Variants in GABBR2 observed in about 807,000 individuals in gnomAD.
GABBR2 encodes the protein G-protein coupled receptor 51.
A neutral mutation model predicts 105.6 loss-of-function variants in GABBR2; 23 were observed. The ratio of observed to expected loss-of-function variants is 0.22; its 90% CI spans 0.16 to 0.31. The LOEUF (loss-of-function observed/expected upper bound fraction) is 0.31. Among genes scored for constraint, GABBR2 ranks in the 10% least tolerant of loss-of-function variants. The pLI, the probability that GABBR2 is intolerant of heterozygous loss-of-function variation, is 1.00. For missense variants in GABBR2, 734 were observed against 1,245.5 expected, an observed-to-expected ratio of 0.59 and a Z score of 6.18; for synonymous variants, 478 against 499.7, an observed-to-expected ratio of 0.96 and a Z score of 0.58.
intron 5 of GABBR2, among the ~76,000 whole-genome samples, chr9:98,477,513 C>T (rs903931569): frequency 6.6e-6 from 1 of 152,200 alleles, no homozygotes; most frequent in Non-Finnish European, 1.5e-5. Flanking sequence ...GTTGGGATCA[C>T]AGGCATGAGC....
chr9:98,451,739 A>G (rs11793304), intron 7 of GABBR2, among the ~76,000 whole-genome samples: 34,504 of 152,120 alleles, frequency 0.23, 4,939 homozygotes, highest in Middle Eastern at 0.33. Context: ...CAGTCTCCTT[A>G]GCATGTCCCT....
chr9:98,614,121 C>A (rs1829546500), intron 1 of GABBR2, among the ~76,000 whole-genome samples: 1 of 152,044 alleles, frequency 6.6e-6, no homozygotes, highest in South Asian at 2.1e-4. Flanking sequence ...AAGGATATAA[C>A]CACATCAGCA....
rs181557569 is a variant in GABBR2, at chr9:98,637,510, A to T, written c.322-59438T>A. 9.2e-5 allele frequency among the ~76,000 whole-genome samples: 14 copies of T among 152,322 alleles called. No individual in the cohort carries two copies. In the East Asian group the frequency reaches 2.7e-3, roughly 29 times the overall value. On this transcript the variant is annotated intron_variant, in intron 1 of 18. Coordinates refer to ENST00000259455, the MANE Select transcript of GABBR2 (RefSeq NM_005458.8). The stretch of plus-strand genomic sequence containing the variant: ...GATTGAAGATAAAATTAAGGTTGCT[A>T]ATCAGCTGACCTTAAAGTAGGGAGC...
rs1164607364 is a variant in GABBR2, at chr9:98,496,523, A to G, written c.631-9T>C. On this transcript the variant is annotated splice_polypyrimidine_tract_variant and intron_variant, in intron 3 of 18. Transcript: ENST00000259455. ...GTCAGGTCATTCCGCACCTGTCAGC[A>G]AAGAGAAAGCAGAGGGTGGGTGTGC... 5.6e-6 allele frequency: 9 copies of G among 1,593,506 alleles called. No individual in the cohort carries two copies. Among genetic ancestry groups the G allele is most frequent in the Non-Finnish European group, 7.7e-6 (9 of 1,161,662 alleles).
chr9:98,591,000 T>C (rs1374637210), intron 1 of GABBR2, among the ~76,000 whole-genome samples: 1 of 152,002 alleles, frequency 6.6e-6, no homozygotes, highest in Non-Finnish European at 1.5e-5. Context: ...AAAAGTGACA[T>C]ACAGTCTTGG....
intron 2 of GABBR2, among the ~76,000 whole-genome samples, chr9:98,576,897 A>G (rs1828916084): frequency 9.5e-6 from 1 of 105,074 alleles, no homozygotes. Flanking sequence ...GTTGCCTAAA[A>G]TATTTGTTGG....
intron 1 of GABBR2, among the ~76,000 whole-genome samples, chr9:98,600,681 T>C (rs548405920): frequency 3.3e-5 from 5 of 152,282 alleles, no homozygotes; most frequent in South Asian, 2.1e-4. Context: ...CCTCTGCAGG[T>C]TCCCCAAGGC....
intron 7 of GABBR2, among the ~76,000 whole-genome samples, chr9:98,411,499 A>T (rs10818893): frequency 0.093 from 14,102 of 152,256 alleles, 740 homozygotes; most frequent in Middle Eastern, 0.15. Context: ...GGGGCACAGC[A>T]AGGGGTAACT....
intron 7 of GABBR2, among the ~76,000 whole-genome samples, chr9:98,427,732 CG>C: frequency 3.9e-5 from 2 of 51,480 alleles, no homozygotes; most frequent in Non-Finnish European, 9.2e-5. Flanking sequence ...AGCCAGCCAC[CG>C]TATCATGAAG....
At chr9:98,376,752 T>G (rs1005917731) in intron 11 of GABBR2, among the ~76,000 whole-genome samples, 5 of 152,156 alleles carry the variant, frequency 3.3e-5, no homozygotes, top group Admixed American at 6.5e-5. Flanking sequence ...AAATCTTCTC[T>G]GGAGCTTAGA....
intron 3 of GABBR2, among the ~76,000 whole-genome samples, chr9:98,528,471 T>C (rs7021793): frequency 0.034 from 5,201 of 152,238 alleles, 319 homozygotes; most frequent in African/African-American, 0.12. Context: ...TAAATTTAAC[T>C]GTATAACACA....
chr9:98,575,240 G>T (rs1205428732), intron 2 of GABBR2, among the ~76,000 whole-genome samples: 1 of 152,180 alleles, frequency 6.6e-6, no homozygotes, highest in African/African-American at 2.4e-5. Context: ...GGCAGGAAAG[G>T]CTTCCTGAAG....
chr9:98,311,302 A>T, intron 13 of GABBR2, 97 bp from the exon 14 acceptor site: 1 of 714,330 alleles, frequency 1.4e-6, no homozygotes, highest in Non-Finnish European at 2.5e-6. Flanking sequence ...TGTGAGCCAT[A>T]GCCAATGCCA....
intron 7 of GABBR2, among the ~76,000 whole-genome samples, chr9:98,429,565 G>A (rs1825762000): frequency 1.3e-5 from 2 of 152,154 alleles, no homozygotes; most frequent in Admixed American, 1.3e-4. Context: ...AGAAGTAGGC[G>A]ATACACTATG....
At chr9:98,400,028 A>C (rs929117411) in intron 8 of GABBR2, among the ~76,000 whole-genome samples, 50 of 145,022 alleles carry the variant, frequency 3.4e-4, no homozygotes, top group African/African-American at 1.3e-3. Context: ...AAAAAAAAAA[A>C]AAAAAACCTA....
At chr9:98,622,590 CAG>C (rs1470505724) in intron 1 of GABBR2, among the ~76,000 whole-genome samples, 13 of 152,204 alleles carry the variant, frequency 8.5e-5, no homozygotes, top group African/African-American at 1.2e-4. Context: ...TCAGGATGCT[CAG>C]AGTCAGACTG....
intron 13 of GABBR2, among the ~76,000 whole-genome samples, chr9:98,325,907 C>T (rs372227764): frequency 8.5e-5 from 13 of 152,298 alleles, no homozygotes; most frequent in African/African-American, 3.1e-4. Flanking sequence ...TCTTCAAAGA[C>T]CTAAGGGCCC....
chr9:98,576,075 A>C (rs1828903685), intron 2 of GABBR2, among the ~76,000 whole-genome samples: 1 of 151,830 alleles, frequency 6.6e-6, no homozygotes, highest in Non-Finnish European at 1.5e-5. Context: ...CTCTTTCATC[A>C]CACCTGCCAT....
intron 13 of GABBR2, among the ~76,000 whole-genome samples, chr9:98,349,515 G>A (rs989918959): frequency 3.3e-5 from 5 of 151,702 alleles, no homozygotes; most frequent in East Asian, 1.9e-4. Flanking sequence ...CACCAGGCCT[G>A]GCTAATTTTT....
Sources: allele counts gnomAD v4.1 joint callset (sites outside exome capture counted in the v4.1 genomes callset), GRCh38; gene constraint gnomAD v4.1.1; transcripts MANE v1.5; gene names NCBI Gene and HGNC (gene_info 2026-07-23, HGNC 2026-07-21).